The following BMERB1 variants were observed in gnomAD, a reference collection of about 807,000 sequenced individuals.
BMERB1 encodes bMERB domain-containing protein 1.
BMERB1 carries 12 observed loss-of-function variants against 23.6 expected under a neutral mutation model. That is an observed-to-expected ratio of 0.51 (90% CI 0.33 to 0.82). The LOEUF (loss-of-function observed/expected upper bound fraction) is 0.82, where lower values mean the gene tolerates loss of function less well. Among genes scored for constraint, BMERB1 ranks in the 40% least tolerant of loss-of-function variants. The pLI, the probability that BMERB1 is intolerant of heterozygous loss-of-function variation, is 0.03. For missense variants in BMERB1, 247 were observed against 255.4 expected, an observed-to-expected ratio of 0.97 and a Z score of 0.22; for synonymous variants, 122 against 96.6, an observed-to-expected ratio of 1.26 and a Z score of -1.54.
At chr16:15,512,012 C>CA (rs57021793) in intron 1 of BMERB1, among the ~76,000 whole-genome samples, 31,626 of 60,832 alleles carry the variant, frequency 0.52, 10,692 homozygotes, top group Middle Eastern at 0.69. Context: ...GACTTGCTCT[C>CA]AAAAAAAAAA....
intron 1 of BMERB1, among the ~76,000 whole-genome samples, chr16:15,499,058 T>C (rs2051501907): frequency 6.6e-6 from 1 of 152,248 alleles, no homozygotes; most frequent in Admixed American, 6.5e-5. Context: ...TTTGTCTTTC[T>C]TGTGAAAGAA....
intron 1 of BMERB1, among the ~76,000 whole-genome samples, chr16:15,472,647 T>C (rs1319824779): frequency 2.0e-5 from 3 of 151,820 alleles, no homozygotes; most frequent in Non-Finnish European, 4.4e-5. Flanking sequence ...GAAGTGAGTT[T>C]CTTCTAGATA....
chr16:15,451,646 A>G (rs1015192493), intron 1 of BMERB1, among the ~76,000 whole-genome samples: 2 of 147,598 alleles, frequency 1.4e-5, no homozygotes, highest in Non-Finnish European at 3.0e-5. Context: ...GAAGCCTTGA[A>G]TTCCTGGGCT....
intron 1 of BMERB1, among the ~76,000 whole-genome samples, chr16:15,503,447 ATTTTTTTTT>A (rs35592502): frequency 3.0e-5 from 4 of 133,322 alleles, no homozygotes; most frequent in African/African-American, 1.1e-4. Context: ...ACGCCCGGCT[ATTTTTTTTT>A]TTTTTTTTTG....
chr16:15,532,302 G>T lies in BMERB1; in HGVS notation c.230+16874G>T, dbSNP rs2150959736. On this transcript the variant is annotated intron_variant, in intron 2 of 5. Coordinates refer to ENST00000300006, the MANE Select transcript of BMERB1 (RefSeq NM_033201.3). Reference sequence around the variant, plus strand: ...GCTGGAATGCAGTGGCTTGATCTTGGCTCACTGCAACCTCTGCCTCCTGGG... The same window carrying T: ...GCTGGAATGCAGTGGCTTGATCTTGTCTCACTGCAACCTCTGCCTCCTGGG... Among the ~76,000 whole-genome samples the T allele has an allele frequency of 1.3e-5, 2 of 152,080 alleles. 1 individual carries two copies. The highest frequency in any genetic ancestry group is 4.2e-4 in the South Asian group (2 of 4,814).
At chr16:15,583,365 G>A (rs1400674438) in intron 5 of BMERB1, 127 bp downstream of exon 5, 6 of 751,820 alleles carry the variant, frequency 8.0e-6, no homozygotes, top group Non-Finnish European at 1.4e-5. Flanking sequence ...ATCACCTGAG[G>A]TCAGGAGTTC....
intron 1 of BMERB1, among the ~76,000 whole-genome samples, chr16:15,454,602 G>T (rs1470624580): frequency 6.6e-6 from 1 of 152,158 alleles, no homozygotes; most frequent in African/African-American, 2.4e-5. Context: ...AGACCAGCCT[G>T]GCCAACATGG....
At chr16:15,538,786 G>A (rs1172622874) in intron 2 of BMERB1, among the ~76,000 whole-genome samples, 1 of 152,158 alleles carries the variant, frequency 6.6e-6, no homozygotes, top group Non-Finnish European at 1.5e-5. Flanking sequence ...GAGCCAAGTT[G>A]AGAAATTTCC....
At chr16:15,489,505 G>C (rs1199381870) in intron 1 of BMERB1, among the ~76,000 whole-genome samples, 1 of 151,990 alleles carries the variant, frequency 6.6e-6, no homozygotes, top group African/African-American at 2.4e-5. Flanking sequence ...GTCCCACATC[G>C]AGGTTTAGTT....
chr16:15,585,983 A>C (rs2150979239), intron 5 of BMERB1, among the ~76,000 whole-genome samples: 2 of 152,340 alleles, frequency 1.3e-5, no homozygotes, highest in Admixed American at 1.3e-4. Context: ...CAAAGAGCTA[A>C]GAGAAGGAAT....
In BMERB1 at chr16:15,467,669, G is replaced by A. The variant is rs142326951; in HGVS notation, c.106+32910G>A. 3.1e-3 allele frequency among the ~76,000 whole-genome samples: 471 copies of A among 152,192 alleles called. 3 individuals are homozygous for A. The highest frequency in any genetic ancestry group is 0.011 in the African/African-American group (446 of 41,496). ...CTTGTTTTTTCACTTTCTTGTCAAT[G>A]AAGAGTCAAACTCTGTAAAATATTT... On this transcript the variant is annotated intron_variant, in intron 1 of 5. Coordinates refer to ENST00000300006, the MANE Select transcript of BMERB1 (RefSeq NM_033201.3).
chr16:15,477,883 G>C (rs1469105711), intron 1 of BMERB1, among the ~76,000 whole-genome samples: 1 of 152,026 alleles, frequency 6.6e-6, no homozygotes, highest in Non-Finnish European at 1.5e-5. Context: ...TCACCTTTCA[G>C]AATCTCCTTA....
intron 1 of BMERB1, among the ~76,000 whole-genome samples, chr16:15,460,512 C>T (rs1326283962): frequency 6.6e-6 from 1 of 152,264 alleles, no homozygotes; most frequent in Non-Finnish European, 1.5e-5. Context: ...TACTCATTAT[C>T]GGAGCAGGAT....
At position 15,498,009 on chromosome 16, in the gene BMERB1, A is replaced by G. The variant is rs559354346; in HGVS notation, c.107-17296A>G. ...CTGTGCTCAATGTGTGAATCCCCTC[A>G]CTTAACCTCCATACCAACCCTTGAG... is the stretch of plus-strand genomic sequence containing the variant. On this transcript the variant is annotated intron_variant, in intron 1 of 5. Transcript: ENST00000300006. Among the ~76,000 whole-genome samples the G allele has an allele frequency of 2.0e-5, 3 of 152,248 alleles. No individual in the cohort carries two copies. The South Asian group carries it at 6.2e-4, about 32-fold the overall frequency.
intron 1 of BMERB1, among the ~76,000 whole-genome samples, chr16:15,498,429 T>C (rs1033019156): frequency 6.6e-5 from 10 of 151,872 alleles, no homozygotes; most frequent in Non-Finnish European, 1.3e-4. Flanking sequence ...GAGGCTGAAG[T>C]GGGAGGATTG....
At position 15,541,886 on chromosome 16, in the gene BMERB1, G is replaced by A. The variant is rs542438471; in HGVS notation, c.231-26097G>A. 1.9e-3 allele frequency among the ~76,000 whole-genome samples: 281 copies of A among 149,788 alleles called. 1 individual carries two copies. The highest frequency in any genetic ancestry group is 3.4e-3 in the Middle Eastern group (1 of 290). ...CAAAGTGCTGGGATTACAGGCTTGAGCCACCATACCCGGCCTAAATTTTTT... is the reference window on the plus strand; with the variant it reads ...CAAAGTGCTGGGATTACAGGCTTGAACCACCATACCCGGCCTAAATTTTTT... On this transcript the variant is annotated intron_variant, in intron 2 of 5. Coordinates refer to ENST00000300006, the MANE Select transcript of BMERB1 (RefSeq NM_033201.3).
chr16:15,582,276 G>A (rs1237405332), intron 4 of BMERB1, among the ~76,000 whole-genome samples: 1 of 152,284 alleles, frequency 6.6e-6, no homozygotes, highest in East Asian at 1.9e-4. Context: ...GTGCATGCCT[G>A]TAATCCCAGC....
intron 4 of BMERB1, 39 bp from the exon 5 acceptor site, chr16:15,583,117 C>T (rs1281184211): frequency 2.1e-6 from 3 of 1,453,484 alleles, no homozygotes; most frequent in Admixed American, 3.4e-5. Context: ...TCCTTGCTTG[C>T]TGTGTATCTT....
intron 2 of BMERB1, among the ~76,000 whole-genome samples, chr16:15,533,599 T>C (rs2051991547): frequency 6.6e-6 from 1 of 152,090 alleles, no homozygotes; most frequent in Admixed American, 6.6e-5. Flanking sequence ...GGTCCAAATT[T>C]GCTCAGTCTG....
Sources: allele counts gnomAD v4.1 joint callset (sites outside exome capture counted in the v4.1 genomes callset), GRCh38; gene constraint gnomAD v4.1.1; transcripts MANE v1.5; gene names NCBI Gene and HGNC (gene_info 2026-07-23, HGNC 2026-07-21).